Variants in TOPAZ1 observed in about 807,000 individuals in gnomAD.
TOPAZ1 encodes the protein testis and ovary specific TOPAZ 1, also known as protein TOPAZ1.
In TOPAZ1, 66 loss-of-function variants were observed where a neutral mutation model predicts 172.2. That is an observed-to-expected ratio of 0.38 (90% CI 0.31 to 0.47). The LOEUF is 0.47. Among genes scored for constraint, TOPAZ1 ranks in the 20% least tolerant of loss-of-function variants. TOPAZ1 has a pLI of 0.99. For missense variants in TOPAZ1, 1,822 were observed against 1,972.4 expected (o/e 0.92, Z 1.44); for synonymous variants, 681 against 683.9 (o/e 1.00, Z 0.07).
chr3:44,283,265 A>G (rs1700042382), intron 9 of TOPAZ1, among the ~76,000 whole-genome samples: 1 of 152,208 alleles, frequency 6.6e-6, no homozygotes, highest in Non-Finnish European at 1.5e-5. Context: ...AAAAATAAAA[A>G]CTTAGATCAG....
chr3:44,278,401 G>A (rs551022134), intron 8 of TOPAZ1, among the ~76,000 whole-genome samples: 1 of 152,248 alleles, frequency 6.6e-6, no homozygotes, highest in Non-Finnish European at 1.5e-5. Flanking sequence ...GAATGAGTTA[G>A]GGACAATTCC....
intron 5 of TOPAZ1, among the ~76,000 whole-genome samples, chr3:44,265,330 G>T (rs1699818488): frequency 2.0e-5 from 3 of 152,228 alleles, no homozygotes; most frequent in Non-Finnish European, 2.9e-5. Flanking sequence ...GGGAGGCCAA[G>T]GTGGGTGGAT....
At chr3:44,276,960 T>C (rs1020965558) in intron 8 of TOPAZ1, among the ~76,000 whole-genome samples, 54 of 151,842 alleles carry the variant, frequency 3.6e-4, no homozygotes, top group African/African-American at 1.2e-3. Flanking sequence ...CCAGCTAATT[T>C]TTTTGTATTT....
intron 8 of TOPAZ1, among the ~76,000 whole-genome samples, chr3:44,281,307 G>T (rs965387932): frequency 2.0e-5 from 3 of 152,174 alleles, no homozygotes; most frequent in Admixed American, 6.5e-5. Flanking sequence ...CCAAGGCCAG[G>T]TCTTCAGGCA....
intron 16 of TOPAZ1, 57 bp downstream of exon 16, chr3:44,310,047 G>T: frequency 6.9e-7 from 1 of 1,448,872 alleles, no homozygotes; most frequent in South Asian, 1.4e-5. Flanking sequence ...ATGCATTTTT[G>T]TCTATGTAAT....
intron 4 of TOPAZ1, 147 bp downstream of exon 4, chr3:44,256,425 C>A: frequency 1.4e-6 from 1 of 728,194 alleles, no homozygotes; most frequent in Non-Finnish European, 2.1e-6. Flanking sequence ...GGATGTATCC[C>A]TTGATACTTG....
chr3:44,242,510 A>G, intron 1 of TOPAZ1, 111 bp downstream of exon 1: 10 of 1,154,330 alleles, frequency 8.7e-6, no homozygotes, highest in Non-Finnish European at 1.2e-5. Flanking sequence ...TCTGATGCAC[A>G]TAGTTGACCA....
chr3:44,270,283 C>T (rs376721202), intron 7 of TOPAZ1, among the ~76,000 whole-genome samples: 12 of 152,028 alleles, frequency 7.9e-5, no homozygotes, highest in African/African-American at 2.2e-4. Flanking sequence ...GAGACAGGTA[C>T]GTGAAAGGGA....
At chr3:44,253,243 A>T (rs114660616) in intron 2 of TOPAZ1, among the ~76,000 whole-genome samples, 81 of 152,334 alleles carry the variant, frequency 5.3e-4, no homozygotes, top group African/African-American at 1.9e-3. Context: ...ACTAGAATTT[A>T]TGGTGAGTGT....
At chr3:44,319,063 C>A (rs2125704270) in intron 16 of TOPAZ1, among the ~76,000 whole-genome samples, 1 of 152,068 alleles carries the variant, frequency 6.6e-6, no homozygotes, top group South Asian at 2.1e-4. Flanking sequence ...GGGACCATTA[C>A]CCTACACGTA....
intron 2 of TOPAZ1, among the ~76,000 whole-genome samples, chr3:44,250,733 C>T (rs1048916304): frequency 6.6e-6 from 1 of 152,172 alleles, no homozygotes; most frequent in South Asian, 2.1e-4. Context: ...CACTTTAGGT[C>T]CCTTTCTTCT....
intron 12 of TOPAZ1, among the ~76,000 whole-genome samples, chr3:44,294,239 C>CA (rs530235553): frequency 0.36 from 52,855 of 145,832 alleles, 10,072 homozygotes; most frequent in African/African-American, 0.49. Flanking sequence ...GACTCTGTCT[C>CA]AAAAAAAAAA....
chr3:44,291,016 C>T (rs1332413732), intron 12 of TOPAZ1, 130 bp downstream of exon 12: 8 of 561,086 alleles, frequency 1.4e-5, no homozygotes, highest in Admixed American at 3.8e-5. Flanking sequence ...ATAAACCCTT[C>T]TCCTGTCTCT....
At chr3:44,315,038 A>G (rs1206244565) in intron 16 of TOPAZ1, among the ~76,000 whole-genome samples, 1 of 152,172 alleles carries the variant, frequency 6.6e-6, no homozygotes, top group Non-Finnish European at 1.5e-5. Flanking sequence ...AAAGTTAATT[A>G]CATTTAGAGT....
chr3:44,250,255 A>AC (rs1699615433), intron 2 of TOPAZ1, among the ~76,000 whole-genome samples: 1 of 151,442 alleles, frequency 6.6e-6, no homozygotes, highest in Non-Finnish European at 1.5e-5. Context: ...AAAAAAAAAA[A>AC]AAAAAACAGG....
intron 2 of TOPAZ1, among the ~76,000 whole-genome samples, chr3:44,252,589 G>A (rs9839422): frequency 0.48 from 72,542 of 152,044 alleles, 18,180 homozygotes; most frequent in East Asian, 0.81. Context: ...AAACATAGCA[G>A]GCAGCTCACT....
At chr3:44,268,434 T>C (rs192641265) in intron 6 of TOPAZ1, among the ~76,000 whole-genome samples, 2 of 149,440 alleles carry the variant, frequency 1.3e-5, no homozygotes, top group Admixed American at 1.3e-4. Context: ...AGTGCAGTGA[T>C]GTGATCTTGG....
intron 12 of TOPAZ1, among the ~76,000 whole-genome samples, chr3:44,292,592 A>G (rs1575724059): frequency 1.3e-5 from 2 of 152,204 alleles, no homozygotes; most frequent in East Asian, 1.9e-4. Context: ...CCTTCATGCA[A>G]TGATTGACAG....
At chr3:44,256,426 T>C in intron 4 of TOPAZ1, 148 bp downstream of exon 4, 1 of 725,188 alleles carries the variant, frequency 1.4e-6, no homozygotes, top group East Asian at 3.2e-5. Context: ...GATGTATCCC[T>C]TGATACTTGG....
Sources: gnomAD v4.1 joint callset for allele counts (sites outside exome capture counted in the v4.1 genomes callset) on GRCh38, gnomAD v4.1.1 for gene constraint, MANE v1.5 for transcripts, NCBI Gene and HGNC (gene_info 2026-07-23, HGNC 2026-07-21) for gene names.